Variants in ANKRD6 observed in about 807,000 individuals in gnomAD.
ANKRD6 encodes the protein ankyrin repeat domain-containing protein 6.
ANKRD6 carries 56 observed loss-of-function variants against 82.3 expected under a neutral mutation model. The observed-to-expected ratio is 0.68, with a 90% CI of 0.55 to 0.85. The LOEUF is 0.85. Ranked by LOEUF, ANKRD6 falls within the 40% of genes least tolerant of loss-of-function variation. ANKRD6 has a pLI of 0.00. For missense variants in ANKRD6, 852 were observed against 907.6 expected, an observed-to-expected ratio of 0.94 and a Z score of 0.79; for synonymous variants, 347 against 352.1, an observed-to-expected ratio of 0.99 and a Z score of 0.16.
chr6:89,461,028 G>A (rs560813673), intron 1 of ANKRD6, among the ~76,000 whole-genome samples: 1 of 151,610 alleles, frequency 6.6e-6, no homozygotes. Flanking sequence ...AGCCTCCTGA[G>A]TAACTGGGAT....
chr6:89,617,092 C>T (rs1261412646), intron 8 of ANKRD6: 2 of 381,032 alleles, frequency 5.2e-6, no homozygotes, highest in Non-Finnish European at 1.1e-5. Context: ...TTTCCCTCTC[C>T]CCCTCTCACT....
intron 1 of ANKRD6, among the ~76,000 whole-genome samples, chr6:89,470,812 C>T (rs1045616238): frequency 6.6e-6 from 1 of 152,006 alleles, no homozygotes; most frequent in African/African-American, 2.4e-5. Flanking sequence ...ATCGCTGGGT[C>T]AAAGTATATT....
intron 1 of ANKRD6, among the ~76,000 whole-genome samples, chr6:89,441,646 T>C (rs1554209571): frequency 6.8e-6 from 1 of 147,146 alleles, no homozygotes; most frequent in African/African-American, 2.5e-5. Flanking sequence ...TTTTTTTTTT[T>C]TGAGAGACAG....
chr6:89,533,500 G>A (rs1583133903), intron 1 of ANKRD6, among the ~76,000 whole-genome samples: 1 of 152,122 alleles, frequency 6.6e-6, no homozygotes. Context: ...CAGGAGTCTG[G>A]TATTTGACCT....
At chr6:89,460,013 T>TA (rs1773935639) in intron 1 of ANKRD6, among the ~76,000 whole-genome samples, 1 of 151,976 alleles carries the variant, frequency 6.6e-6, no homozygotes, top group Admixed American at 6.6e-5. Flanking sequence ...TTCTAAGAAA[T>TA]AAAGTATTAC....
At chr6:89,591,382 G>A (rs568419271) in intron 2 of ANKRD6, among the ~76,000 whole-genome samples, 21 of 152,264 alleles carry the variant, frequency 1.4e-4, no homozygotes, top group African/African-American at 4.8e-4. Flanking sequence ...GATTACAGGC[G>A]TGAACCACCT....
chr6:89,542,131 A>G (rs1032640077), intron 1 of ANKRD6, among the ~76,000 whole-genome samples: 2 of 152,224 alleles, frequency 1.3e-5, no homozygotes, highest in African/African-American at 2.4e-5. Flanking sequence ...TTAGAACTAA[A>G]AAACCAAGTT....
intron 1 of ANKRD6, among the ~76,000 whole-genome samples, chr6:89,465,020 C>T (rs1376364122): frequency 2.0e-5 from 3 of 152,136 alleles, no homozygotes; most frequent in South Asian, 2.1e-4. Context: ...CCCTGAAATT[C>T]CCCCTCCCTA....
chr6:89,523,452 G>T (rs1303453430), intron 1 of ANKRD6, among the ~76,000 whole-genome samples: 2 of 152,290 alleles, frequency 1.3e-5, no homozygotes, highest in Non-Finnish European at 1.5e-5. Flanking sequence ...TGGGAGCAGT[G>T]AACTTTTTCT....
At chr6:89,475,255 C>G (rs1775909774) in intron 1 of ANKRD6, among the ~76,000 whole-genome samples, 1 of 152,192 alleles carries the variant, frequency 6.6e-6, no homozygotes, top group Non-Finnish European at 1.5e-5. Flanking sequence ...AACCTAAAAT[C>G]TGGACCTTTC....
At chr6:89,595,379 T>C (rs542703850) in intron 2 of ANKRD6, among the ~76,000 whole-genome samples, 9 of 151,614 alleles carry the variant, frequency 5.9e-5, no homozygotes, top group African/African-American at 2.2e-4. Context: ...GGAGCCGAGA[T>C]GGCGTCGCTG....
At chr6:89,621,660 G>A (rs1803357827) in intron 9 of ANKRD6, 1 of 450,638 alleles carries the variant, frequency 2.2e-6, no homozygotes, top group Admixed American at 3.5e-5. Flanking sequence ...CCCAGCATCA[G>A]TGTCTGTAGT....
chr6:89,575,668 T>C (rs1370126187), intron 2 of ANKRD6, among the ~76,000 whole-genome samples: 1 of 152,210 alleles, frequency 6.6e-6, no homozygotes, highest in Non-Finnish European at 1.5e-5. Context: ...ATTATTTTCA[T>C]GTATATGTTG....
intron 1 of ANKRD6, among the ~76,000 whole-genome samples, chr6:89,467,750 C>T (rs1290449487): frequency 6.6e-6 from 1 of 152,164 alleles, no homozygotes; most frequent in Non-Finnish European, 1.5e-5. Flanking sequence ...CAAGAGCTCC[C>T]CCTCTGTGGG....
chr6:89,447,869 T>G (rs1562522146), intron 1 of ANKRD6, among the ~76,000 whole-genome samples: 1 of 150,266 alleles, frequency 6.7e-6, no homozygotes, highest in African/African-American at 2.5e-5. Context: ...TTTTTTTCAG[T>G]AGAGATGGGG....
intron 1 of ANKRD6, among the ~76,000 whole-genome samples, chr6:89,534,201 G>A (rs1783546502): frequency 6.6e-6 from 1 of 152,112 alleles, no homozygotes; most frequent in South Asian, 2.1e-4. Flanking sequence ...TGCTGCATTT[G>A]TCTCTAACTA....
intron 3 of ANKRD6, among the ~76,000 whole-genome samples, chr6:89,600,855 G>A (rs1320270825): frequency 1.2e-5 from 1 of 86,594 alleles, no homozygotes; most frequent in Non-Finnish European, 3.3e-5. Context: ...GGCCAACATG[G>A]TGACACCTTA....
Position 89,526,160 on chromosome 6 carries a change from A to C in ANKRD6, c.-143-40674A>C, listed in dbSNP as rs185382552. ...GACATCTATTTTAGTCTCTCAGATC[A>C]CACTGCCATGAGCTGCTGGCTTGTT... On this transcript the variant is annotated intron_variant, in intron 1 of 15. Transcript: ENST00000339746. Among the ~76,000 whole-genome samples the C allele has an allele frequency of 2.4e-3, 362 of 152,326 alleles. 3 individuals are homozygous for C. The highest frequency in any genetic ancestry group is 1.1e-3 in the Non-Finnish European group (72 of 68,024).
At chr6:89,466,464 G>T (rs1218035000) in intron 1 of ANKRD6, among the ~76,000 whole-genome samples, 1 of 152,058 alleles carries the variant, frequency 6.6e-6, no homozygotes, top group Non-Finnish European at 1.5e-5. Flanking sequence ...TTGCCTTTTT[G>T]TCAGTATTGA....
Sources: allele counts gnomAD v4.1 joint callset (sites outside exome capture counted in the v4.1 genomes callset), GRCh38; gene constraint gnomAD v4.1.1; transcripts MANE v1.5; gene names NCBI Gene and HGNC (gene_info 2026-07-23, HGNC 2026-07-21).